CADM2: variants seen among roughly 807,000 people sequenced by gnomAD.
The protein encoded by CADM2 is immunoglobulin superfamily member 4D.
Under a neutral mutation model 49.8 loss-of-function variants are expected in CADM2, and 12 were observed. The ratio of observed to expected loss-of-function variants is 0.24; its 90% confidence interval spans 0.15 to 0.39. The LOEUF (loss-of-function observed/expected upper bound fraction) is 0.39, where lower values mean the gene tolerates loss of function less well. CADM2 is among the 10% of genes least tolerant of loss of function. The pLI, the probability that CADM2 is intolerant of heterozygous loss-of-function variation, is 1.00. For synonymous variants in CADM2, 214 were observed against 175.4 expected (o/e 1.22, Z -1.74); for missense variants, 378 against 492.3 (o/e 0.77, Z 2.20).
intron 3 of CADM2, among the ~76,000 whole-genome samples, chr3:85,848,898 A>AC (rs1254539146): frequency 2.0e-5 from 3 of 152,182 alleles, no homozygotes; most frequent in African/African-American, 4.8e-5. Context: ...TGTATTACAG[A>AC]TGAAAAAAAT....
At chr3:85,926,762 A>G (rs534268244) in intron 6 of CADM2, among the ~76,000 whole-genome samples, 117 of 152,276 alleles carry the variant, frequency 7.7e-4, no homozygotes, top group African/African-American at 2.7e-3. Context: ...TTGACTGTCA[A>G]TGAGGAAAAC....
intron 1 of CADM2, among the ~76,000 whole-genome samples, chr3:85,626,819 A>T (rs1220004345): frequency 1.3e-5 from 2 of 151,986 alleles, no homozygotes; most frequent in Non-Finnish European, 2.9e-5. Flanking sequence ...ATGAAAGAGA[A>T]GTCGAAATGT....
intron 1 of CADM2, among the ~76,000 whole-genome samples, chr3:85,472,779 TTC>T (rs1040728473): frequency 2.6e-5 from 4 of 151,470 alleles, no homozygotes; most frequent in Non-Finnish European, 4.4e-5. Flanking sequence ...TTGTCACTCA[TTC>T]TCTCTCTCTC....
chr3:85,265,226 T>C (rs948795395), intron 1 of CADM2, among the ~76,000 whole-genome samples: 15 of 152,188 alleles, frequency 9.9e-5, no homozygotes, highest in African/African-American at 2.9e-4. Context: ...AATAATACAT[T>C]AAAATATTTT....
At chr3:85,215,317 A>G (rs2167604) in intron 1 of CADM2, among the ~76,000 whole-genome samples, 96,388 of 143,584 alleles carry the variant, frequency 0.67, 33,332 homozygotes, top group African/African-American at 0.82. Flanking sequence ...TACTCTGGTT[A>G]AGCTGCTGTC....
chr3:86,016,887 T>C (rs1020721762), intron 8 of CADM2, among the ~76,000 whole-genome samples: 3 of 152,146 alleles, frequency 2.0e-5, no homozygotes, highest in Admixed American at 2.0e-4. Flanking sequence ...AAAACAACTT[T>C]AAATTCAACA....
At chr3:85,104,432 G>A (rs561031360) in intron 1 of CADM2, among the ~76,000 whole-genome samples, 27 of 152,136 alleles carry the variant, frequency 1.8e-4, no homozygotes, top group African/African-American at 5.8e-4. Context: ...CCAGTACCAT[G>A]CTGTTTTGGT....
At chr3:85,715,699 T>C (rs2067264651) in intron 1 of CADM2, among the ~76,000 whole-genome samples, 1 of 152,122 alleles carries the variant, frequency 6.6e-6, no homozygotes, top group Non-Finnish European at 1.5e-5. Flanking sequence ...TGTTCGCCTC[T>C]CTGTGCCCAT....
chr3:84,975,428 G>T lies in CADM2; in HGVS notation c.61+15760G>T, dbSNP rs559980166. 2.0e-5 allele frequency among the ~76,000 whole-genome samples: 3 copies of T among 151,576 alleles called. No individual in the cohort carries two copies. In the East Asian group the frequency reaches 5.8e-4, roughly 29 times the overall value. On this transcript the variant is annotated intron_variant, in intron 1 of 9. Transcript: ENST00000383699. ...CATCCGGTGTACTGTATAAGCAATT[G>T]TAAGTTACGTTTCTTAAGGATTTTG...
chr3:86,041,404 A>G (rs1206667159), intron 8 of CADM2, among the ~76,000 whole-genome samples: 1 of 152,304 alleles, frequency 6.6e-6, no homozygotes, highest in African/African-American at 2.4e-5. Context: ...AAGCAAATGG[A>G]AAACAAAAAA....
At chr3:85,564,945 A>T (rs978223779) in intron 1 of CADM2, among the ~76,000 whole-genome samples, 3 of 152,138 alleles carry the variant, frequency 2.0e-5, no homozygotes, top group Admixed American at 1.3e-4. Context: ...TTTTATAAAG[A>T]CACAAGGTAT....
intron 3 of CADM2, among the ~76,000 whole-genome samples, chr3:85,843,825 A>G (rs1444528820): frequency 6.6e-6 from 1 of 152,056 alleles, no homozygotes; most frequent in South Asian, 2.1e-4. Context: ...CAATGTTCCA[A>G]ATAGACTTGA....
chr3:85,219,117 G>C (rs2041993028), intron 1 of CADM2, among the ~76,000 whole-genome samples: 1 of 152,052 alleles, frequency 6.6e-6, no homozygotes, highest in Non-Finnish European at 1.5e-5. Context: ...GTATGGTTTT[G>C]AATTAATGGT....
intron 1 of CADM2, among the ~76,000 whole-genome samples, chr3:85,472,624 C>T (rs1412144316): frequency 2.0e-5 from 3 of 151,834 alleles, no homozygotes; most frequent in Non-Finnish European, 4.4e-5. Flanking sequence ...CTATTATTCT[C>T]CTTTGGCTTG....
At chr3:86,024,770 G>C (rs1039301274) in intron 8 of CADM2, among the ~76,000 whole-genome samples, 1 of 152,022 alleles carries the variant, frequency 6.6e-6, no homozygotes, top group African/African-American at 2.4e-5. Context: ...GTTGAAGACC[G>C]AATAAAAATG....
intron 6 of CADM2, among the ~76,000 whole-genome samples, chr3:85,923,236 A>G (rs1719376696): frequency 2.0e-5 from 3 of 152,204 alleles, no homozygotes; most frequent in African/African-American, 7.2e-5. Context: ...AGGTAAAAGA[A>G]CATTGTCATA....
At chr3:85,105,055 C>A (rs912623117) in intron 1 of CADM2, among the ~76,000 whole-genome samples, 16 of 152,086 alleles carry the variant, frequency 1.1e-4, no homozygotes, top group Non-Finnish European at 2.1e-4. Flanking sequence ...AGTTGAATAG[C>A]CTTTATTTCC....
At chr3:85,687,571 G>C (rs962267649) in intron 1 of CADM2, among the ~76,000 whole-genome samples, 1 of 152,036 alleles carries the variant, frequency 6.6e-6, no homozygotes. Context: ...CATTTAGAAG[G>C]AAATTAGTAT....
At chr3:85,076,809 TAA>T in intron 1 of CADM2, among the ~76,000 whole-genome samples, 1 of 151,862 alleles carries the variant, frequency 6.6e-6, no homozygotes, top group Non-Finnish European at 1.5e-5. Flanking sequence ...CCATCTGTAC[TAA>T]AAATACAAAA....
Sources: gnomAD v4.1 joint callset for allele counts (sites outside exome capture counted in the v4.1 genomes callset) on GRCh38, gnomAD v4.1.1 for gene constraint, MANE v1.5 for transcripts, NCBI Gene and HGNC (gene_info 2026-07-23, HGNC 2026-07-21) for gene names.